Variants in MYO1E observed in about 807,000 individuals in gnomAD.
The protein encoded by MYO1E is unconventional myosin-Ie.
A neutral mutation model predicts 151.1 loss-of-function variants in MYO1E; 68 were observed. The ratio of observed to expected loss-of-function variants is 0.45; its 90% CI spans 0.37 to 0.55. The LOEUF is 0.55. MYO1E is among the 20% of genes least tolerant of loss of function. MYO1E has a pLI of 0.00. For synonymous variants in MYO1E, 601 were observed against 501.7 expected, an observed-to-expected ratio of 1.20 and a Z score of -2.64; for missense variants, 1,363 against 1,389.3, an observed-to-expected ratio of 0.98 and a Z score of 0.30.
chr15:59,362,643 G>C (rs1440907259), intron 1 of MYO1E, among the ~76,000 whole-genome samples: 2 of 152,178 alleles, frequency 1.3e-5, no homozygotes, highest in Non-Finnish European at 2.9e-5. Context: ...AGATTCTTCT[G>C]CATTTAAATC....
At chr15:59,231,082 C>T (rs1052126612) in intron 6 of MYO1E, among the ~76,000 whole-genome samples, 2 of 152,214 alleles carry the variant, frequency 1.3e-5, no homozygotes, top group South Asian at 4.1e-4. Flanking sequence ...ACTTGGTTGA[C>T]ATTTTCATTA....
chr15:59,248,481 C>T lies in MYO1E; in HGVS notation c.332+7803G>A, dbSNP rs111652517. On this transcript the variant is annotated intron_variant, in intron 4 of 27. Coordinates refer to ENST00000288235, the MANE Select transcript of MYO1E (RefSeq NM_004998.4). ...CAGCCTGAACGACAGGGTGAGACTC[C>T]ATCTCAAAAAAAAAAAAAAAAAAAA... 7.9e-3 allele frequency among the ~76,000 whole-genome samples: 613 copies of T among 77,856 alleles called. 12 individuals carry two copies. In the East Asian group the frequency reaches 0.085, roughly 11 times the overall value. 51.1% of individuals were successfully genotyped at this position (77,856 alleles called of 152,430 possible). A position where few individuals can be genotyped will look rare whatever the true frequency, so the allele number is the denominator to read the frequency against.
At chr15:59,151,458 C>A (rs534102697) in intron 26 of MYO1E, among the ~76,000 whole-genome samples, 145 of 151,604 alleles carry the variant, frequency 9.6e-4, no homozygotes, top group African/African-American at 3.3e-3. Flanking sequence ...CCCAAAAAAA[C>A]CAACTAAGGT....
rs1450797987 is a variant in MYO1E, at chr15:59,135,083, T to A, written c.*2297A>T. The A allele has an allele frequency of 6.6e-6, 1 of 152,214 alleles. No homozygotes were observed. Among genetic ancestry groups the A allele is most frequent in the Non-Finnish European group, 1.5e-5 (1 of 68,042 alleles). 9.4% of individuals were successfully genotyped at this position (152,214 alleles called of 1,614,324 possible). A position where few individuals can be genotyped will look rare whatever the true frequency, so the allele number is the denominator to read the frequency against. ...CAGCATTTCAGCATCTCTACGCAGATCTAAGTCTCCTTCCCCTGTGGGTCA... is the reference window on the plus strand; with the variant it reads ...CAGCATTTCAGCATCTCTACGCAGAACTAAGTCTCCTTCCCCTGTGGGTCA... On this transcript the variant is annotated 3_prime_UTR_variant, in exon 28 of 28. Coordinates refer to ENST00000288235, the MANE Select transcript of MYO1E (RefSeq NM_004998.4).
intron 26 of MYO1E, 131 bp downstream of exon 26, chr15:59,153,459 A>G (rs1476878595): frequency 1.6e-5 from 15 of 962,926 alleles, no homozygotes; most frequent in Non-Finnish European, 2.4e-5. Context: ...GGGTCCTGGC[A>G]TATAGCACTG....
Position 59,137,574 on chromosome 15 carries a change from G to C in MYO1E, c.3251-118C>G, listed in dbSNP as rs571778327. On this transcript the variant is annotated intron_variant, in intron 27 of 27. Transcript: ENST00000288235. The stretch of plus-strand genomic sequence containing the variant: ...GCTCCATCCATGTTGTTTTCCCTTT[G>C]TTCTTTAAATCAAAAAGTTTGTTGA... 4.7e-6 allele frequency: 4 copies of C among 846,376 alleles called. No homozygotes were observed. In the African/African-American group the frequency reaches 6.7e-5, roughly 14 times the overall value. The allele number at this position is 846,376 out of a possible 1,614,324, so 52.4% of individuals were successfully genotyped here.
chr15:59,248,645 C>A (rs2080145559), intron 4 of MYO1E, among the ~76,000 whole-genome samples: 1 of 152,002 alleles, frequency 6.6e-6, no homozygotes, highest in Admixed American at 6.6e-5. Context: ...CAGGGCTTGG[C>A]AGGAGAGAGT....
rs1039279817 is a variant in MYO1E, at chr15:59,338,582, C to T, written c.3+33916G>A. Among the ~76,000 whole-genome samples the T allele has an allele frequency of 2.6e-5, 4 of 152,174 alleles. No individual in the cohort carries two copies. The East Asian group carries it at 7.7e-4, about 29-fold the overall frequency. ...GCTGAGCCAGGACTGTCTCTATGGG[C>T]TCTCAGGAGTATTGGGGCTGGTCTC... On this transcript the variant is annotated intron_variant, in intron 1 of 27. Coordinates refer to ENST00000288235, the MANE Select transcript of MYO1E (RefSeq NM_004998.4).
intron 1 of MYO1E, among the ~76,000 whole-genome samples, chr15:59,310,264 C>T (rs550566368): frequency 4.6e-5 from 7 of 152,194 alleles, no homozygotes; most frequent in South Asian, 4.1e-4. Flanking sequence ...TAAGGTGCAG[C>T]GAAGTGTGTA....
intron 1 of MYO1E, among the ~76,000 whole-genome samples, chr15:59,322,909 T>C (rs1412383331): frequency 1.3e-5 from 2 of 151,582 alleles, no homozygotes; most frequent in Non-Finnish European, 2.9e-5. Context: ...CGCCTACAAT[T>C]CCAGCACTTT....
At chr15:59,209,049 C>T in intron 13 of MYO1E, 1 of 654,406 alleles carries the variant, frequency 1.5e-6, no homozygotes. Flanking sequence ...GAGGAAACTC[C>T]ACTTTCCAAA....
At chr15:59,211,427 C>A (rs1252625289) in intron 12 of MYO1E, among the ~76,000 whole-genome samples, 1 of 152,106 alleles carries the variant, frequency 6.6e-6, no homozygotes, top group Non-Finnish European at 1.5e-5. Flanking sequence ...AATCTTTCAG[C>A]TTTCTCATTT....
chr15:59,284,907 T>C (rs1438114273), intron 1 of MYO1E, among the ~76,000 whole-genome samples: 1 of 152,182 alleles, frequency 6.6e-6, no homozygotes, highest in African/African-American at 2.4e-5. Flanking sequence ...AAATGCTCAT[T>C]TCACTTCTGC....
At chr15:59,250,563 T>C (rs1392125238) in intron 4 of MYO1E, among the ~76,000 whole-genome samples, 2 of 152,126 alleles carry the variant, frequency 1.3e-5, no homozygotes, top group African/African-American at 4.8e-5. Flanking sequence ...AACGAAACTG[T>C]AATCCTAAGT....
At chr15:59,201,109 ATT>A (rs35652210) in intron 16 of MYO1E, among the ~76,000 whole-genome samples, 11 of 144,318 alleles carry the variant, frequency 7.6e-5, no homozygotes, top group African/African-American at 7.7e-5. Context: ...GACAAAAACT[ATT>A]TTTTTTTTTT....
intron 1 of MYO1E, among the ~76,000 whole-genome samples, chr15:59,293,127 C>T (rs2080429522): frequency 1.3e-5 from 2 of 152,168 alleles, no homozygotes; most frequent in African/African-American, 4.8e-5. Flanking sequence ...GCAAGGCACC[C>T]TTTTTATTCT....
At position 59,358,418 on chromosome 15, in the gene MYO1E, T is replaced by C. The variant is rs187797065; in HGVS notation, c.3+14080A>G. Among the ~76,000 whole-genome samples the C allele has an allele frequency of 3.8e-3, 578 of 152,098 alleles. 4 individuals are homozygous for C. Among genetic ancestry groups the C allele is most frequent in the African/African-American group, 7.0e-3 (292 of 41,478 alleles). The stretch of plus-strand genomic sequence containing the variant: ...CCAGATGAATGCTTCAAGGAGAGGA[T>C]GGACAAGAGGCCTTGTGGGGAAAGA... On this transcript the variant is annotated intron_variant, in intron 1 of 27. Transcript: ENST00000288235.
In MYO1E at chr15:59,369,178, G is replaced by A. The variant is rs571061566; in HGVS notation, c.3+3320C>T. On this transcript the variant is annotated intron_variant, in intron 1 of 27. Coordinates refer to ENST00000288235, the MANE Select transcript of MYO1E (RefSeq NM_004998.4). ...ATACATGCCATGCCATCACCTAAAG[G>A]AACTTACCTACCTTATCATCAGCTA... Among the ~76,000 whole-genome samples, 60 of 152,256 alleles carry A rather than the reference G, an allele frequency of 3.9e-4. No individual in the cohort carries two copies. In the South Asian group the frequency reaches 0.012, roughly 31 times the overall value.
intron 2 of MYO1E, 137 bp from the exon 3 acceptor site, chr15:59,261,646 A>C: frequency 1.5e-6 from 1 of 659,342 alleles, no homozygotes; most frequent in South Asian, 1.7e-5. Flanking sequence ...AAAAGATTAC[A>C]AGTAAAGACG....
Sources: allele counts gnomAD v4.1 joint callset (sites outside exome capture counted in the v4.1 genomes callset), GRCh38; gene constraint gnomAD v4.1.1; transcripts MANE v1.5; gene names NCBI Gene and HGNC (gene_info 2026-07-23, HGNC 2026-07-21).